The following FOCAD variants were observed in gnomAD, a reference collection of about 807,000 sequenced individuals.
The protein encoded by FOCAD is focadhesin, also known as KIAA1797.
FOCAD carries 198 observed loss-of-function variants against 225.6 expected under a neutral mutation model. The observed-to-expected ratio is 0.88, with a 90% confidence interval of 0.78 to 0.99. The LOEUF is 0.99. FOCAD is among the 50% of genes least tolerant of loss of function. FOCAD has a pLI of 0.00. For synonymous variants in FOCAD, 897 were observed against 755.0 expected (o/e 1.19, Z -3.08); for missense variants, 2,713 against 2,123.6 (o/e 1.28, Z -5.46).
At chr9:20,734,851 G>C (rs1827007779) in intron 4 of FOCAD, among the ~76,000 whole-genome samples, 1 of 151,972 alleles carries the variant, frequency 6.6e-6, no homozygotes, top group Non-Finnish European at 1.5e-5. Context: ...TGCCCAGTAT[G>C]GTCTCAAATT....
At chr9:20,770,293 G>A (rs1410801516) in intron 8 of FOCAD, 55 bp downstream of exon 8, 4 of 1,458,030 alleles carry the variant, frequency 2.7e-6, no homozygotes, top group Non-Finnish European at 3.8e-6. Flanking sequence ...AAATACCTGA[G>A]ACTTGGTAAT....
intron 11 of FOCAD, among the ~76,000 whole-genome samples, chr9:20,795,689 C>A (rs929311836): frequency 7.1e-6 from 1 of 141,286 alleles, no homozygotes; most frequent in African/African-American, 2.7e-5. Context: ...GAGTCTGAGG[C>A]AGGAGAATGG....
intron 22 of FOCAD, among the ~76,000 whole-genome samples, chr9:20,911,610 A>G (rs1018909369): frequency 1.3e-5 from 2 of 152,150 alleles, no homozygotes; most frequent in Non-Finnish European, 1.5e-5. Flanking sequence ...GGTAGCTATT[A>G]TTTGTTATCA....
At chr9:20,933,186 TA>T in intron 28 of FOCAD, 83 bp downstream of exon 28, 1 of 952,906 alleles carries the variant, frequency 1.0e-6, no homozygotes, top group African/African-American at 1.7e-5. Context: ...TATGGAGAAA[TA>T]TTTTTTATTT....
intron 2 of FOCAD, chr9:20,716,253 T>C (rs1228801638): frequency 2.8e-6 from 1 of 361,308 alleles, no homozygotes; most frequent in African/African-American, 2.0e-5. Flanking sequence ...CTATTCACAG[T>C]TTTATTTTTC....
At chr9:20,920,617 G>C (rs1834323073) in intron 24 of FOCAD, among the ~76,000 whole-genome samples, 1 of 146,558 alleles carries the variant, frequency 6.8e-6, no homozygotes, top group African/African-American at 2.5e-5. Context: ...TATACACCAT[G>C]GAATACTATG....
At chr9:20,851,669 GTT>G (rs1481838426) in intron 15 of FOCAD, among the ~76,000 whole-genome samples, 1 of 151,874 alleles carries the variant, frequency 6.6e-6, no homozygotes, top group Non-Finnish European at 1.5e-5. Context: ...GACCTACTGA[GTT>G]AGAATCTGTA....
At chr9:20,857,014 A>T (rs989689542) in intron 15 of FOCAD, among the ~76,000 whole-genome samples, 6 of 152,004 alleles carry the variant, frequency 3.9e-5, no homozygotes, top group Admixed American at 2.0e-4. Flanking sequence ...ACTTGAAATC[A>T]GATAATGTGA....
chr9:20,866,042 A>G, intron 17 of FOCAD, 66 bp downstream of exon 17: 2 of 1,339,004 alleles, frequency 1.5e-6, no homozygotes, highest in Non-Finnish European at 2.1e-6. Context: ...CATTTGTAAA[A>G]TAAGACTCTT....
chr9:20,796,963 T>A (rs1002383421), intron 11 of FOCAD, among the ~76,000 whole-genome samples: 2 of 152,216 alleles, frequency 1.3e-5, no homozygotes, highest in Non-Finnish European at 2.9e-5. Context: ...AACATTTAAG[T>A]CTTTAATCCA....
chr9:20,980,188 GA>G (rs1160702115), intron 37 of FOCAD, among the ~76,000 whole-genome samples: 1 of 151,640 alleles, frequency 6.6e-6, no homozygotes, highest in Admixed American at 6.6e-5. Context: ...TATACAATAT[GA>G]ATTTTTTTAT....
At chr9:20,666,890 A>G (rs1438122595) in intron 2 of FOCAD, among the ~76,000 whole-genome samples, 1 of 152,246 alleles carries the variant, frequency 6.6e-6, no homozygotes, top group Non-Finnish European at 1.5e-5. Flanking sequence ...ATGTATGTGT[A>G]AATAAATCCA....
chr9:20,675,782 G>A (rs994874724), intron 2 of FOCAD, among the ~76,000 whole-genome samples: 3 of 151,852 alleles, frequency 2.0e-5, no homozygotes, highest in Admixed American at 6.6e-5. Context: ...TTGAAGAGTT[G>A]AAGACACTGG....
At chr9:20,803,357 C>A (rs1413978312) in intron 11 of FOCAD, among the ~76,000 whole-genome samples, 4 of 152,032 alleles carry the variant, frequency 2.6e-5, no homozygotes, top group African/African-American at 7.2e-5. Flanking sequence ...AATGTGTATC[C>A]CCCTTGTAGT....
intron 18 of FOCAD, among the ~76,000 whole-genome samples, chr9:20,871,450 C>T (rs904180170): frequency 6.6e-6 from 1 of 151,748 alleles, no homozygotes; most frequent in Non-Finnish European, 1.5e-5. Flanking sequence ...AACAGGAATT[C>T]TTTCAACTGA....
chr9:20,986,579 T>A, intron 40 of FOCAD, 114 bp downstream of exon 40: 1 of 915,256 alleles, frequency 1.1e-6, no homozygotes, highest in South Asian at 2.2e-5. Flanking sequence ...TTGACACAGG[T>A]TAGGCCTTCT....
intron 23 of FOCAD, among the ~76,000 whole-genome samples, chr9:20,916,669 T>A (rs2132085095): frequency 6.6e-6 from 1 of 152,304 alleles, no homozygotes; most frequent in South Asian, 2.1e-4. Context: ...AGTTACATAT[T>A]CACCTCCTCC....
intron 11 of FOCAD, among the ~76,000 whole-genome samples, chr9:20,798,851 A>T (rs899427806): frequency 6.6e-6 from 1 of 151,890 alleles, no homozygotes; most frequent in Non-Finnish European, 1.5e-5. Flanking sequence ...TATTTCCTTC[A>T]GTTCTGCTCT....
At chr9:20,985,533 T>C (rs1423715565) in intron 39 of FOCAD, among the ~76,000 whole-genome samples, 1 of 152,218 alleles carries the variant, frequency 6.6e-6, no homozygotes, top group African/African-American at 2.4e-5. Flanking sequence ...AATACCCAGG[T>C]TGAATAACCA....
Sources: gnomAD v4.1 joint callset for allele counts (sites outside exome capture counted in the v4.1 genomes callset) on GRCh38, gnomAD v4.1.1 for gene constraint, MANE v1.5 for transcripts, NCBI Gene and HGNC (gene_info 2026-07-23, HGNC 2026-07-21) for gene names.